The following MAP4K5 variants were observed in gnomAD, a reference collection of about 807,000 sequenced individuals.
MAP4K5 encodes mitogen-activated protein kinase kinase kinase kinase 5.
MAP4K5 carries 82 observed loss-of-function variants against 135.6 expected under a neutral mutation model. The observed-to-expected ratio is 0.60, with a 90% CI of 0.51 to 0.73. The LOEUF (loss-of-function observed/expected upper bound fraction) is 0.73, where lower values mean the gene tolerates loss of function less well. Among genes scored for constraint, MAP4K5 ranks in the 30% least tolerant of loss-of-function variants. The pLI, the probability that MAP4K5 is intolerant of heterozygous loss-of-function variation, is 0.00. For synonymous variants in MAP4K5, 347 were observed against 335.0 expected (o/e 1.04, Z -0.39); for missense variants, 907 against 1,010.9 (o/e 0.90, Z 1.39).
At chr14:50,533,558 A>C (rs2038450883), upstream of MAP4K5, among the ~76,000 whole-genome samples, 1 of 152,168 alleles carries the variant, frequency 6.6e-6, no homozygotes, top group Non-Finnish European at 1.5e-5. Context: ...TCTTGCTCTG[A>C]AGGTAGAAAT....
chr14:50,514,355 T>C (rs931074534), intron 2 of MAP4K5, among the ~76,000 whole-genome samples: 1 of 152,204 alleles, frequency 6.6e-6, no homozygotes, highest in African/African-American at 2.4e-5. Context: ...AGTGCTGGGA[T>C]TACAGGCGTG....
At chr14:50,492,545 GATC>G (rs1168038079) in intron 3 of MAP4K5, among the ~76,000 whole-genome samples, 1 of 147,910 alleles carries the variant, frequency 6.8e-6, no homozygotes, top group African/African-American at 2.5e-5. Context: ...AGTGAGCTAT[GATC>G]ACCACTGCAC....
intron 2 of MAP4K5, among the ~76,000 whole-genome samples, chr14:50,528,669 G>A (rs986376989): frequency 6.6e-6 from 1 of 152,124 alleles, no homozygotes; most frequent in Non-Finnish European, 1.5e-5. Context: ...GCTGCAGTGA[G>A]CTGATCGTGC....
chr14:50,498,971 G>A (rs940765217), intron 3 of MAP4K5, among the ~76,000 whole-genome samples: 1 of 152,160 alleles, frequency 6.6e-6, no homozygotes, highest in Non-Finnish European at 1.5e-5. Context: ...ATTATTTGAA[G>A]TATCTGAACT....
At chr14:50,475,176 T>C (rs759689160) in intron 8 of MAP4K5, 27 bp from the exon 9 acceptor site, 1 of 1,584,166 alleles carries the variant, frequency 6.3e-7, no homozygotes, top group Non-Finnish European at 8.7e-7. Flanking sequence ...CAGAAAATTT[T>C]AGTTCTTTAC....
At chr14:50,438,667 TTTTA>T (rs2036155107) in intron 23 of MAP4K5, among the ~76,000 whole-genome samples, 1 of 152,142 alleles carries the variant, frequency 6.6e-6, no homozygotes, top group Non-Finnish European at 1.5e-5. Flanking sequence ...ATATTTATCT[TTTTA>T]TTATTAGAAA....
chr14:50,470,479 C>T (rs1046301888), intron 9 of MAP4K5, among the ~76,000 whole-genome samples: 2 of 152,052 alleles, frequency 1.3e-5, no homozygotes, highest in Admixed American at 6.6e-5. Context: ...ATCTAACTCA[C>T]CTATATCTTC....
At chr14:50,473,032 G>A (rs1259724987) in intron 9 of MAP4K5, among the ~76,000 whole-genome samples, 1 of 152,096 alleles carries the variant, frequency 6.6e-6, no homozygotes, top group Admixed American at 6.5e-5. Flanking sequence ...GAATTCTGTA[G>A]ACACCCTTTA....
At chr14:50,461,836 T>C (rs1345127131) in intron 13 of MAP4K5, among the ~76,000 whole-genome samples, 2 of 152,016 alleles carry the variant, frequency 1.3e-5, no homozygotes, top group African/African-American at 2.4e-5. Flanking sequence ...GGAGAATCAC[T>C]TGAACCCAGG....
upstream of MAP4K5, among the ~76,000 whole-genome samples, chr14:50,536,203 G>C (rs144432513): frequency 4.5e-4 from 69 of 152,312 alleles, no homozygotes; most frequent in African/African-American, 1.6e-3. Flanking sequence ...CCAGCACTTT[G>C]GGAGGCCAAG....
chr14:50,548,753 G>A lies in MAP4K5; in HGVS notation c.-179-6169C>T, dbSNP rs1348946904. Among the ~76,000 whole-genome samples, 8 of 152,016 alleles carry A rather than the reference G, an allele frequency of 5.3e-5. No individual in the cohort carries two copies. In the South Asian group the frequency reaches 6.2e-4, roughly 12 times the overall value. On this transcript the variant is annotated intron_variant, in intron 1 of 8. Coordinates refer to the MAP4K5 transcript ENST00000555216. ...TCTCGATCTCCTGACCTTGTGATCCGCCTGCCTCAGCCTCCCAAAGTACTG... is the reference window on the plus strand; with the variant it reads ...TCTCGATCTCCTGACCTTGTGATCCACCTGCCTCAGCCTCCCAAAGTACTG...
At chr14:50,525,638 C>A (rs2038247465) in intron 2 of MAP4K5, among the ~76,000 whole-genome samples, 1 of 152,080 alleles carries the variant, frequency 6.6e-6, no homozygotes, top group Non-Finnish European at 1.5e-5. Flanking sequence ...GAGTTCAAGA[C>A]CAGCCTGGGC....
chr14:50,504,684 T>C (rs1395249750), intron 3 of MAP4K5, 116 bp downstream of exon 3: 4 of 715,070 alleles, frequency 5.6e-6, no homozygotes, highest in Non-Finnish European at 6.8e-6. Context: ...GGTAATTTAA[T>C]TGAAGATATT....
At chr14:50,421,010 A>C (rs1010311543) in intron 32 of MAP4K5, among the ~76,000 whole-genome samples, 8 of 152,234 alleles carry the variant, frequency 5.3e-5, no homozygotes, top group Admixed American at 3.3e-4. Context: ...GAGAAAAAAA[A>C]CTGCACATAA....
At chr14:50,526,288 T>C (rs1281252151) in intron 2 of MAP4K5, among the ~76,000 whole-genome samples, 1 of 152,190 alleles carries the variant, frequency 6.6e-6, no homozygotes, top group Non-Finnish European at 1.5e-5. Context: ...TTATGACTGC[T>C]TACATGTCTG....
At chr14:50,482,605 C>T (rs764456109) in intron 5 of MAP4K5, 189 bp from the exon 6 acceptor site, 20 of 415,908 alleles carry the variant, frequency 4.8e-5, no homozygotes, top group African/African-American at 1.1e-4. Flanking sequence ...GGTGAAACCC[C>T]GTCTCTACTA....
chr14:50,493,536 G>C (rs1048564692), intron 3 of MAP4K5, among the ~76,000 whole-genome samples: 2 of 151,794 alleles, frequency 1.3e-5, no homozygotes. Flanking sequence ...CAGATGACAC[G>C]ATCATATGTA....
chr14:50,512,272 T>C lies in MAP4K5; in HGVS notation c.109-7415A>G, dbSNP rs572705494. ...AAAAGAATACACATTTTCAGACACA[T>C]TTATGAGCCAATTTTTATTATTAGA... On this transcript the variant is annotated intron_variant, in intron 2 of 32. Coordinates refer to ENST00000682126, the MANE Select transcript of MAP4K5 (RefSeq NM_006575.6). Among the ~76,000 whole-genome samples, 20 of 152,228 alleles carry C rather than the reference T, an allele frequency of 1.3e-4. No homozygotes were observed. The East Asian group carries it at 3.5e-3, about 26-fold the overall frequency.
chr14:50,536,897 T>C (rs530248841), upstream of MAP4K5, among the ~76,000 whole-genome samples: 43 of 152,266 alleles, frequency 2.8e-4, no homozygotes, highest in South Asian at 8.3e-3. Context: ...AAGCACAGCA[T>C]AAAAGTTTGG....
Sources: gnomAD v4.1 joint callset for allele counts (sites outside exome capture counted in the v4.1 genomes callset) on GRCh38, gnomAD v4.1.1 for gene constraint, MANE v1.5 for transcripts, NCBI Gene and HGNC (gene_info 2026-07-23, HGNC 2026-07-21) for gene names.